The following NFIA variants were observed in gnomAD, a reference collection of about 807,000 sequenced individuals.
NFIA encodes nuclear factor 1 A-type.
NFIA carries 8 observed loss-of-function variants against 62.8 expected under a neutral mutation model. The ratio of observed to expected loss-of-function variants is 0.13; its 90% CI spans 0.07 to 0.23. The LOEUF is 0.23. NFIA is among the 10% of genes least tolerant of loss of function. The pLI, the probability that NFIA is intolerant of heterozygous loss-of-function variation, is 1.00. For missense variants in NFIA, 410 were observed against 642.1 expected, an observed-to-expected ratio of 0.64 and a Z score of 3.91; for synonymous variants, 235 against 238.1, an observed-to-expected ratio of 0.99 and a Z score of 0.12.
chr1:61,435,993 A>G (rs555049761), intron 10 of NFIA, among the ~76,000 whole-genome samples: 4 of 152,188 alleles, frequency 2.6e-5, no homozygotes, highest in South Asian at 2.1e-4. Flanking sequence ...TGCAGAGGTC[A>G]TTTCTTTTCA....
At chr1:61,108,871 A>G (rs1221401293) in intron 2 of NFIA, among the ~76,000 whole-genome samples, 2 of 151,810 alleles carry the variant, frequency 1.3e-5, no homozygotes, top group Non-Finnish European at 3.0e-5. Flanking sequence ...GTGGTATAGT[A>G]TCTGTTAATT....
chr1:61,386,173 A>G (rs1280213468), intron 7 of NFIA, among the ~76,000 whole-genome samples: 1 of 152,176 alleles, frequency 6.6e-6, no homozygotes, highest in Non-Finnish European at 1.5e-5. Context: ...TTGGAATGAT[A>G]CCACATTTGG....
chr1:61,406,752 C>A, intron 9 of NFIA, 25 bp downstream of exon 9: 2 of 1,578,610 alleles, frequency 1.3e-6, no homozygotes, highest in East Asian at 4.6e-5. Flanking sequence ...GACAAGGCGC[C>A]GGTCACTTCT....
intron 4 of NFIA, among the ~76,000 whole-genome samples, chr1:61,337,536 A>C (rs1257821823): frequency 6.6e-6 from 1 of 152,178 alleles, no homozygotes; most frequent in Non-Finnish European, 1.5e-5. Context: ...TGCCAGAGAG[A>C]GAGAGAGAAG....
At chr1:61,089,701 T>TC (rs1310710174) in intron 2 of NFIA, among the ~76,000 whole-genome samples, 7 of 149,942 alleles carry the variant, frequency 4.7e-5, no homozygotes, top group African/African-American at 1.7e-4. Flanking sequence ...TTTTCTTTTT[T>TC]TTTTTTTTTT....
intron 2 of NFIA, among the ~76,000 whole-genome samples, chr1:61,103,503 T>C (rs906587827): frequency 6.6e-6 from 1 of 152,180 alleles, no homozygotes; most frequent in African/African-American, 2.4e-5. Flanking sequence ...TGTCTACATC[T>C]GTATTTCCAG....
At position 61,426,844 on chromosome 1, in the gene NFIA, G is replaced by A. The variant is rs1446059923; in HGVS notation, c.1512+288G>A. On this transcript the variant is annotated intron_variant, in intron 10 of 10. Coordinates refer to ENST00000403491, the MANE Select transcript of NFIA (RefSeq NM_001134673.4). ...GTGTTCCCTCTTATAGGAATTCATGGTCCTCTAAATGCAAGCAGACAGAAG... is the reference window on the plus strand; with the variant it reads ...GTGTTCCCTCTTATAGGAATTCATGATCCTCTAAATGCAAGCAGACAGAAG... 3.3e-5 allele frequency among the ~76,000 whole-genome samples: 5 copies of A among 152,128 alleles called. No homozygotes were observed. The East Asian group carries it at 9.7e-4, about 30-fold the overall frequency.
intron 2 of NFIA, among the ~76,000 whole-genome samples, chr1:61,267,074 T>G (rs966505867): frequency 6.6e-6 from 1 of 152,194 alleles, no homozygotes; most frequent in African/African-American, 2.4e-5. Flanking sequence ...GCCTTTTGCC[T>G]TTTTTCACTA....
In NFIA at chr1:61,112,761, G is replaced by A. The variant is rs188981110; in HGVS notation, c.559+24081G>A. ...TGTTTGCATACAATGGATTAATGAC[G>A]TTTTCATACTAACCCACAAAAGTCT... On this transcript the variant is annotated intron_variant, in intron 2 of 10. Transcript: ENST00000403491. 2.9e-3 allele frequency among the ~76,000 whole-genome samples: 445 copies of A among 152,198 alleles called. 1 individual carries two copies. The highest frequency in any genetic ancestry group is 5.0e-3 in the Non-Finnish European group (342 of 68,008).
chr1:61,400,087 G>A (rs1445298116), intron 7 of NFIA, among the ~76,000 whole-genome samples: 1 of 152,182 alleles, frequency 6.6e-6, no homozygotes, highest in Non-Finnish European at 1.5e-5. Flanking sequence ...GGTGGGGAGG[G>A]AATGAACAAG....
intron 2 of NFIA, among the ~76,000 whole-genome samples, chr1:61,089,539 C>T (rs1310741758): frequency 2.0e-5 from 3 of 151,992 alleles, no homozygotes; most frequent in Admixed American, 6.6e-5. Flanking sequence ...GCTATGTGAA[C>T]GCTCAGGTCT....
At chr1:61,083,325 C>T (rs1646152654) in intron 1 of NFIA, among the ~76,000 whole-genome samples, 2 of 152,230 alleles carry the variant, frequency 1.3e-5, no homozygotes, top group South Asian at 4.1e-4. Context: ...TGCGGGGAGA[C>T]CTCGGGTGCC....
At chr1:61,197,568 T>TACCTCAAAA in intron 2 of NFIA, among the ~76,000 whole-genome samples, 1 of 152,120 alleles carries the variant, frequency 6.6e-6, no homozygotes, top group African/African-American at 2.4e-5. Flanking sequence ...GAAAGATTTA[T>TACCTCAAAA]ACCTCAAAAA....
Position 61,455,172 on chromosome 1 carries a change from C to T in NFIA, c.1513-131C>T, listed in dbSNP as rs1239632196. 4 of 819,818 alleles carry T rather than the reference C, an allele frequency of 4.9e-6. No individual in the cohort carries two copies. In the East Asian group the frequency reaches 1.1e-4, roughly 22 times the overall value. The allele number at this position is 819,818 out of a possible 1,614,324, so 50.8% of individuals were successfully genotyped here. A position where few individuals can be genotyped will look rare whatever the true frequency, so the allele number is the denominator to read the frequency against. On this transcript the variant is annotated intron_variant, in intron 10 of 10. Transcript: ENST00000403491. ...CAGGATTTTTTATTGTCTGTCGTGCCTTTACTTTTCCCAGCGAATCCCTCC... is the reference window on the plus strand; with the variant it reads ...CAGGATTTTTTATTGTCTGTCGTGCTTTTACTTTTCCCAGCGAATCCCTCC...
chr1:61,086,806 AT>A (rs1480139713), intron 1 of NFIA, among the ~76,000 whole-genome samples: 1 of 152,208 alleles, frequency 6.6e-6, no homozygotes, highest in African/African-American at 2.4e-5. Context: ...TATTCTGGAC[AT>A]TACTGCTACC....
chr1:61,308,363 T>C (rs1659917002), intron 3 of NFIA, among the ~76,000 whole-genome samples: 1 of 152,178 alleles, frequency 6.6e-6, no homozygotes, highest in African/African-American at 2.4e-5. Flanking sequence ...TAAGATATCA[T>C]CATCATCAAT....
intron 2 of NFIA, among the ~76,000 whole-genome samples, chr1:61,200,151 A>G (rs1277989758): frequency 4.0e-5 from 6 of 149,196 alleles, no homozygotes; most frequent in African/African-American, 1.5e-4. Context: ...GGTATTTTAA[A>G]TGACAGCAGG....
chr1:61,122,058 A>C (rs1646896328), intron 2 of NFIA, among the ~76,000 whole-genome samples: 1 of 152,242 alleles, frequency 6.6e-6, no homozygotes, highest in Admixed American at 6.5e-5. Context: ...ACATTTTAGC[A>C]TCCAGGTCCT....
At chr1:61,229,949 A>G (rs2100629991) in intron 2 of NFIA, among the ~76,000 whole-genome samples, 1 of 152,298 alleles carries the variant, frequency 6.6e-6, no homozygotes, top group African/African-American at 2.4e-5. Flanking sequence ...GAAGAAAACA[A>G]AGATGGCTGC....
Sources: gnomAD v4.1 joint callset for allele counts (sites outside exome capture counted in the v4.1 genomes callset) on GRCh38, gnomAD v4.1.1 for gene constraint, MANE v1.5 for transcripts, NCBI Gene and HGNC (gene_info 2026-07-23, HGNC 2026-07-21) for gene names.